Variants in RELL1 observed in about 807,000 individuals in gnomAD.
The protein encoded by RELL1 is RELT-like protein 1.
Under a neutral mutation model 23.0 loss-of-function variants are expected in RELL1, and 10 were observed. That is an observed-to-expected ratio of 0.43 (90% CI 0.27 to 0.74). The LOEUF (loss-of-function observed/expected upper bound fraction) is 0.74, where lower values mean the gene tolerates loss of function less well. Ranked by LOEUF, RELL1 falls within the 30% of genes least tolerant of loss-of-function variation. RELL1 has a pLI of 0.19. For synonymous variants in RELL1, 146 were observed against 146.8 expected, an observed-to-expected ratio of 0.99 and a Z score of 0.04; for missense variants, 315 against 364.4, an observed-to-expected ratio of 0.86 and a Z score of 1.10.
At chr4:37,626,925 GATAA>G (rs893065720) in intron 6 of RELL1, among the ~76,000 whole-genome samples, 2 of 151,998 alleles carry the variant, frequency 1.3e-5, no homozygotes, top group Admixed American at 6.6e-5. Flanking sequence ...AGTTAGAGGG[GATAA>G]ATAATTTCAA....
chr4:37,614,549 A>C (rs914719910), intron 6 of RELL1, among the ~76,000 whole-genome samples: 1 of 152,182 alleles, frequency 6.6e-6, no homozygotes, highest in Non-Finnish European at 1.5e-5. Context: ...GCAGATTTTT[A>C]CTGTAAAACT....
At chr4:37,629,887 C>T (rs1243115988) in intron 6 of RELL1, among the ~76,000 whole-genome samples, 6 of 152,184 alleles carry the variant, frequency 3.9e-5, no homozygotes, top group South Asian at 2.1e-4. Context: ...GTAGCATGGA[C>T]GGAGCATTTC....
intron 4 of RELL1, among the ~76,000 whole-genome samples, chr4:37,636,460 T>C (rs1033700165): frequency 1.1e-4 from 16 of 151,776 alleles, no homozygotes; most frequent in Non-Finnish European, 1.6e-4. Flanking sequence ...CCGGGGGTGG[T>C]GGCGGGCGCC....
downstream of RELL1, chr4:37,590,420 C>T (rs371058859): frequency 4.3e-5 from 69 of 1,613,188 alleles, no homozygotes; most frequent in African/African-American, 6.5e-4. Context: ...GACAGGGGCT[C>T]CTGGGCCAGT....
chr4:37,657,615 G>A (rs192964642), intron 1 of RELL1, among the ~76,000 whole-genome samples: 10 of 152,214 alleles, frequency 6.6e-5, no homozygotes, highest in South Asian at 2.1e-4. Flanking sequence ...AGAAAGTTGC[G>A]GGAACAGGTG....
intron 6 of RELL1, among the ~76,000 whole-genome samples, chr4:37,628,212 C>T (rs191332545): frequency 1.7e-3 from 264 of 152,244 alleles, no homozygotes; most frequent in Non-Finnish European, 3.2e-3. Flanking sequence ...GGGACCTGCT[C>T]GTCTTGGACC....
At chr4:37,672,053 T>TC (rs1721853188) in intron 1 of RELL1, among the ~76,000 whole-genome samples, 1 of 151,970 alleles carries the variant, frequency 6.6e-6, no homozygotes. Context: ...TCCCAACACA[T>TC]CCATATGTCA....
intron 6 of RELL1, among the ~76,000 whole-genome samples, chr4:37,629,618 T>C (rs1433037977): frequency 1.3e-5 from 2 of 152,124 alleles, no homozygotes; most frequent in Admixed American, 6.5e-5. Context: ...TTAAGAAGGC[T>C]CCTATTCTGC....
intron 6 of RELL1, among the ~76,000 whole-genome samples, chr4:37,600,400 T>A (rs1025289938): frequency 1.3e-5 from 2 of 152,194 alleles, no homozygotes; most frequent in Admixed American, 1.3e-4. Flanking sequence ...CAAAGCTGTA[T>A]GAATCACTTC....
chr4:37,631,367 A>T lies in RELL1; in HGVS notation c.*3+18T>A, dbSNP rs1219514657. The T allele has an allele frequency of 1.2e-6, 2 of 1,608,506 alleles. No individual in the cohort carries two copies. Among genetic ancestry groups the T allele is most frequent in the East Asian group, 2.2e-5 (1 of 44,656 alleles). On this transcript the variant is annotated intron_variant, in intron 6 of 6. Transcript: ENST00000454158. ...CCTGCACCACTCTGCCCCCAATGTC[A>T]CCAAAACCACGGCTCACCTGCTACT... is the stretch of plus-strand genomic sequence containing the variant.
intron 1 of RELL1, among the ~76,000 whole-genome samples, chr4:37,674,936 C>T (rs561073865): frequency 6.6e-6 from 1 of 152,326 alleles, no homozygotes; most frequent in South Asian, 2.1e-4. Context: ...TTCAACCATG[C>T]AGCAAAATCC....
chr4:37,604,810 G>C (rs113606431), intron 6 of RELL1, among the ~76,000 whole-genome samples: 1,050 of 72,082 alleles, frequency 0.015, no homozygotes, highest in East Asian at 0.024. Flanking sequence ...CACACACACA[G>C]ACACACACAC....
At chr4:37,587,586 A>G (rs1330374926), downstream of RELL1, among the ~76,000 whole-genome samples, 5 of 152,232 alleles carry the variant, frequency 3.3e-5, no homozygotes, top group African/African-American at 7.2e-5. Flanking sequence ...ACAGAGACAC[A>G]GCCAGCAATG....
At chr4:37,619,466 C>G (rs1233610444) in intron 6 of RELL1, among the ~76,000 whole-genome samples, 1 of 152,218 alleles carries the variant, frequency 6.6e-6, no homozygotes, top group Non-Finnish European at 1.5e-5. Flanking sequence ...CAGGCGTGAG[C>G]CACCGCACCC....
chr4:37,605,624 C>T (rs557859776), intron 6 of RELL1, among the ~76,000 whole-genome samples: 1 of 151,898 alleles, frequency 6.6e-6, no homozygotes, highest in Admixed American at 6.6e-5. Context: ...TGCTTGTAAT[C>T]CCAGCTACTC....
At position 37,612,736 on chromosome 4, in the gene RELL1, A is replaced by C. The variant is rs1256641068; in HGVS notation, c.*610T>G. ...GCTGAATTTGTGGTCAAGGAATCCA[A>C]AGTCTAGCATCTGGTCCCATCTGAC... is the stretch of plus-strand genomic sequence containing the variant. On this transcript the variant is annotated 3_prime_UTR_variant, in exon 7 of 7. Coordinates refer to ENST00000454158, the MANE Select transcript of RELL1 (RefSeq NM_001085400.2). Among the ~76,000 whole-genome samples, 1 of 152,092 alleles carries C rather than the reference A, an allele frequency of 6.6e-6. No individual in the cohort carries two copies. Among genetic ancestry groups the C allele is most frequent in the Non-Finnish European group, 1.5e-5 (1 of 68,028 alleles).
At chr4:37,604,132 G>A (rs2973282) in intron 6 of RELL1, among the ~76,000 whole-genome samples, 48,228 of 151,900 alleles carry the variant, frequency 0.32, 8,253 homozygotes, top group Non-Finnish European at 0.39. Context: ...ATTGTTCAGG[G>A]CCAGCGTTGT....
intron 3 of RELL1, 145 bp downstream of exon 3, chr4:37,647,223 G>T: frequency 1.7e-6 from 1 of 578,964 alleles, no homozygotes; most frequent in Admixed American, 2.7e-5. Flanking sequence ...TGAAACTTGC[G>T]TAGCTGAATA....
intron 6 of RELL1, among the ~76,000 whole-genome samples, chr4:37,628,402 A>C (rs1035474037): frequency 6.6e-6 from 1 of 152,226 alleles, no homozygotes; most frequent in Non-Finnish European, 1.5e-5. Flanking sequence ...GAAATTAGCT[A>C]ATACACGGAA....
Sources: gnomAD v4.1 joint callset for allele counts (sites outside exome capture counted in the v4.1 genomes callset) on GRCh38, gnomAD v4.1.1 for gene constraint, MANE v1.5 for transcripts, NCBI Gene and HGNC (gene_info 2026-07-23, HGNC 2026-07-21) for gene names.